TNRC18: variants seen among roughly 807,000 people sequenced by gnomAD.
TNRC18 encodes the protein trinucleotide repeat-containing gene 18 protein.
A neutral mutation model predicts 226.7 loss-of-function variants in TNRC18; 69 were observed. The ratio of observed to expected loss-of-function variants is 0.30; its 90% confidence interval spans 0.25 to 0.37. The LOEUF (loss-of-function observed/expected upper bound fraction) is 0.37, where lower values mean the gene tolerates loss of function less well. TNRC18 is among the 10% of genes least tolerant of loss of function. The pLI, the probability that TNRC18 is intolerant of heterozygous loss-of-function variation, is 1.00. For synonymous variants in TNRC18, 2,449 were observed against 1,927.6 expected (o/e 1.27, Z -7.09); for missense variants, 4,754 against 4,256.6 (o/e 1.12, Z -3.25).
At chr7:5,386,018 G>A (rs1779761299) in intron 5 of TNRC18, among the ~76,000 whole-genome samples, 2 of 148,240 alleles carry the variant, frequency 1.3e-5, no homozygotes, top group South Asian at 2.1e-4. Flanking sequence ...CAGATGCGGT[G>A]GCTCATGCCT....
intron 10 of TNRC18, among the ~76,000 whole-genome samples, chr7:5,373,685 G>T (rs944241564): frequency 6.6e-6 from 1 of 152,178 alleles, no homozygotes; most frequent in African/African-American, 2.4e-5. Context: ...GGGACCCACA[G>T]AACGGGGGGA....
intron 16 of TNRC18, among the ~76,000 whole-genome samples, chr7:5,355,552 G>C (rs147246248): frequency 6.6e-6 from 1 of 152,200 alleles, no homozygotes; most frequent in African/African-American, 2.4e-5. Context: ...AGGAGTTCCA[G>C]ACTAGCCTGG....
At chr7:5,328,083 G>A (rs1158316116) in intron 19 of TNRC18, among the ~76,000 whole-genome samples, 1 of 151,958 alleles carries the variant, frequency 6.6e-6, no homozygotes, top group Non-Finnish European at 1.5e-5. Flanking sequence ...TTAGGCGTGA[G>A]GGCACGAGCC....
chr7:5,374,195 T>TGGGGGGGG lies in TNRC18; in HGVS notation c.3088_3089insCCCCCCCC (p.His1030ProfsTer132). On this transcript the variant is annotated frameshift_variant, in exon 10 of 30. Transcript: ENST00000430969. LOFTEE classifies it high-confidence loss of function. ...GGAGGCGGGCGGCGGGCTGGTGGGG[T>TGGGGGGGG]GGGAGCTGGGGGTGGCGGGGTAGGC... 2.0e-5 allele frequency: 2 copies of TGGGGGGGG among 102,522 alleles called. No homozygotes were observed. Among genetic ancestry groups the TGGGGGGGG allele is most frequent in the Non-Finnish European group, 2.4e-5 (2 of 82,370 alleles). 6.4% of individuals were successfully genotyped at this position (102,522 alleles called of 1,614,324 possible).
intron 17 of TNRC18, among the ~76,000 whole-genome samples, chr7:5,351,055 C>T (rs544160395): frequency 3.3e-5 from 5 of 152,248 alleles, no homozygotes; most frequent in African/African-American, 9.6e-5. Context: ...ACTAAAAAAA[C>T]ATGATGATGC....
intron 18 of TNRC18, 45 bp downstream of exon 18, chr7:5,345,517 G>GCACCCCCACC: frequency 2.6e-6 from 1 of 377,744 alleles, no homozygotes; most frequent in Non-Finnish European, 4.8e-6. Context: ...AATGGCGTCC[G>GCACCCCCACC]CCCCTCCCAC....
At chr7:5,386,419 A>C (rs1464278454) in intron 5 of TNRC18, among the ~76,000 whole-genome samples, 2 of 151,752 alleles carry the variant, frequency 1.3e-5, no homozygotes, top group African/African-American at 4.8e-5. Context: ...TCTACTAAAA[A>C]TACAAAAATT....
rs1299706639 is a variant in TNRC18 at position 5,307,791 on chromosome 7, G to C, written c.*315C>G. 7 of 425,994 alleles carry C rather than the reference G, an allele frequency of 1.6e-5. No individual in the cohort carries two copies. Among genetic ancestry groups the C allele is most frequent in the Non-Finnish European group, 3.1e-5 (7 of 226,692 alleles). 26.4% of individuals were successfully genotyped at this position (425,994 alleles called of 1,614,324 possible). ...GGCCCCCACGCAGCAGCAGCCTGGA[G>C]GGCCGGCCTGGCCAAGTGCTTGCAA... On this transcript the variant is annotated 3_prime_UTR_variant, in exon 30 of 30. Coordinates refer to ENST00000430969, the MANE Select transcript of TNRC18 (RefSeq NM_001080495.3).
intron 10 of TNRC18, among the ~76,000 whole-genome samples, chr7:5,372,357 G>A (rs1794238918): frequency 6.6e-6 from 1 of 151,808 alleles, no homozygotes; most frequent in African/African-American, 2.4e-5. Flanking sequence ...GACTATAGGC[G>A]TGAGCCACTG....
At chr7:5,372,342 G>T (rs1794237625) in intron 10 of TNRC18, among the ~76,000 whole-genome samples, 1 of 151,710 alleles carries the variant, frequency 6.6e-6, no homozygotes, top group Non-Finnish European at 1.5e-5. Flanking sequence ...CTCCCAAAGT[G>T]CTGGGACTAT....
chr7:5,314,247 G>T (rs1332243556), intron 26 of TNRC18, among the ~76,000 whole-genome samples: 1 of 152,012 alleles, frequency 6.6e-6, no homozygotes, highest in Non-Finnish European at 1.5e-5. Context: ...GCTGAGAATA[G>T]GCGTGGACCA....
Position 5,313,879 on chromosome 7 carries a change from G to T in TNRC18, c.7028-16C>A. 7.0e-7 allele frequency: 1 copy of T among 1,438,276 alleles called. No homozygotes were observed. 89.1% of individuals were successfully genotyped at this position (1,438,276 alleles called of 1,614,324 possible). A position where few individuals can be genotyped will look rare whatever the true frequency, so the allele number is the denominator to read the frequency against. ...GCGGCTCTGTCTGCAAAACAAAACAGATGAGAAGCTGGGGCGGGGGCTTCC... is the reference window on the plus strand; with the variant it reads ...GCGGCTCTGTCTGCAAAACAAAACATATGAGAAGCTGGGGCGGGGGCTTCC... On this transcript the variant is annotated splice_polypyrimidine_tract_variant and intron_variant, in intron 26 of 29. Coordinates refer to ENST00000430969, the MANE Select transcript of TNRC18 (RefSeq NM_001080495.3).
At chr7:5,351,780 A>G (rs751513407) in intron 17 of TNRC18, 39 bp downstream of exon 17, 50 of 1,529,726 alleles carry the variant, frequency 3.3e-5, no homozygotes, top group Non-Finnish European at 4.3e-5. Context: ...CTCTCTCGCT[A>G]GGAAACACGG....
At chr7:5,314,642 G>A (rs1787659812) in intron 26 of TNRC18, among the ~76,000 whole-genome samples, 1 of 136,696 alleles carries the variant, frequency 7.3e-6, no homozygotes, top group Non-Finnish European at 1.5e-5. Context: ...GTGCGATCTT[G>A]GCTCACTGCA....
At chr7:5,365,739 C>T (rs954023192) in intron 11 of TNRC18, among the ~76,000 whole-genome samples, 5 of 152,058 alleles carry the variant, frequency 3.3e-5, no homozygotes, top group African/African-American at 1.2e-4. Flanking sequence ...CAGACGTGAG[C>T]CACCATGCCC....
In TNRC18 at chr7:5,324,248, C is replaced by G; in HGVS notation, c.6408G>C (p.Pro2136=). 1 of 1,611,516 alleles carries G rather than the reference C, an allele frequency of 6.2e-7. No individual in the cohort carries two copies. Among genetic ancestry groups the G allele is most frequent in the Non-Finnish European group, 8.5e-7 (1 of 1,179,320 alleles). ...GCGGCCGCTCCACAGCCCCGCCACG[C>G]GGCAGGTGCTCGTCCTCAGAGAAGC... is the stretch of plus-strand genomic sequence containing the variant. The part of the protein sequence containing the change: ...DSSFSEDEHL[P]RGGAVERPLT... Residue 2136 remains proline (P), a synonymous_variant, in exon 21 of 30, where the codon CCG becomes CCC. Transcript: ENST00000430969. The surrounding 1 kb of genome is among the most constrained non-coding windows in gnomAD (Gnocchi z 4.8).
In TNRC18 at chr7:5,387,885, C is replaced by G. The variant is rs1469518686; in HGVS notation, c.1939G>C (p.Gly647Arg). 1 of 1,591,148 alleles carries G rather than the reference C, an allele frequency of 6.3e-7. No homozygotes were observed. The highest frequency in any genetic ancestry group is 8.5e-7 in the Non-Finnish European group (1 of 1,170,994). ...GGGTCCCGCTTCAGCTGCCGGCCGC[C>G]GCCCGCTGCAGGGCCTCCGGAGTGT... Reference protein sequence around the residue: ...LPHSGGPAAGGGRQLKRDPER... With the variant: ...LPHSGGPAAGRGRQLKRDPER... The change falls in exon 5 of 30, where the codon GGC (glycine) becomes CGC (arginine). Residue 647 changes from glycine to arginine, a missense_variant. Gly to Arg is a moderately radical substitution (Grantham distance 125). Coordinates refer to ENST00000430969, the MANE Select transcript of TNRC18 (RefSeq NM_001080495.3).
Position 5,309,013 on chromosome 7 carries a change from C to T in TNRC18, c.8626-64G>A. The T allele has an allele frequency of 6.5e-7, 1 of 1,544,038 alleles. No individual in the cohort carries two copies. The highest frequency in any genetic ancestry group is 2.4e-5 in the East Asian group (1 of 42,064). On this transcript the variant is annotated intron_variant, in intron 28 of 29. Coordinates refer to ENST00000430969, the MANE Select transcript of TNRC18 (RefSeq NM_001080495.3). This position sits in a 1 kb window ranked among gnomAD's most constrained non-coding sequence, Gnocchi z 5.7. ...GGGCTGCTGCACCCGACCCCAGGCC[C>T]CAGGACAGGGCTGACCCACTGGGCA...
intron 21 of TNRC18, among the ~76,000 whole-genome samples, chr7:5,321,639 C>CTTTATTTATTTATTTA (rs10551562): frequency 2.8e-5 from 4 of 143,410 alleles, no homozygotes; most frequent in African/African-American, 7.9e-5. Context: ...ACTTCTAGGA[C>CTTTATTTATTTATTTA]TTTATTTATT....
Sources: allele counts gnomAD v4.1 joint callset (sites outside exome capture counted in the v4.1 genomes callset), GRCh38; gene constraint gnomAD v4.1.1; non-coding constraint Gnocchi (gnomAD v3.1); transcripts MANE v1.5; gene names NCBI Gene and HGNC (gene_info 2026-07-23, HGNC 2026-07-21).